The following CDK14 variants were observed in gnomAD, a reference collection of about 807,000 sequenced individuals.
CDK14 encodes the protein cyclin dependent kinase 14.
CDK14 carries 34 observed loss-of-function variants against 60.7 expected under a neutral mutation model. The observed-to-expected ratio is 0.56, with a 90% CI of 0.43 to 0.75. The LOEUF (loss-of-function observed/expected upper bound fraction) is 0.75, where lower values mean the gene tolerates loss of function less well. Among genes scored for constraint, CDK14 ranks in the 30% least tolerant of loss-of-function variants. CDK14 has a pLI of 0.00. For missense variants in CDK14, 482 were observed against 564.1 expected (o/e 0.85, Z 1.47); for synonymous variants, 197 against 203.7 (o/e 0.97, Z 0.28).
chr7:90,662,780 G>T (rs541411118), intron 2 of CDK14, among the ~76,000 whole-genome samples: 1 of 152,150 alleles, frequency 6.6e-6, no homozygotes, highest in Non-Finnish European at 1.5e-5. Flanking sequence ...TTGTAGAAAG[G>T]TTTCATCATC....
chr7:90,817,545 AT>A (rs1310501225), intron 5 of CDK14, among the ~76,000 whole-genome samples: 1 of 152,068 alleles, frequency 6.6e-6, no homozygotes, highest in Non-Finnish European at 1.5e-5. Context: ...GGATTATAAA[AT>A]TTTCTTGATA....
chr7:90,614,006 CT>C (rs34900577), intron 2 of CDK14, among the ~76,000 whole-genome samples: 41,812 of 130,520 alleles, frequency 0.32, 6,497 homozygotes, highest in Middle Eastern at 0.46. Flanking sequence ...GTCCCAAACA[CT>C]TTTTTTTTTT....
At chr7:90,791,169 T>A in intron 5 of CDK14, among the ~76,000 whole-genome samples, 1 of 152,188 alleles carries the variant, frequency 6.6e-6, no homozygotes, top group Admixed American at 6.5e-5. Context: ...TCCTCTAGTC[T>A]GTTATTTTCT....
chr7:90,837,302 T>C (rs1790139632), intron 5 of CDK14, among the ~76,000 whole-genome samples: 1 of 151,492 alleles, frequency 6.6e-6, no homozygotes, highest in Non-Finnish European at 1.5e-5. Flanking sequence ...TTTTTTTTTT[T>C]TTTGAGATGG....
At chr7:91,178,618 A>T (rs974099316) in intron 14 of CDK14, among the ~76,000 whole-genome samples, 3 of 152,224 alleles carry the variant, frequency 2.0e-5, no homozygotes, top group African/African-American at 7.2e-5. Flanking sequence ...TTTACAGGAA[A>T]AAAACAACCC....
chr7:90,912,052 A>T (rs1424257320), intron 7 of CDK14, among the ~76,000 whole-genome samples: 1 of 152,186 alleles, frequency 6.6e-6, no homozygotes, highest in Non-Finnish European at 1.5e-5. Context: ...TTGGATTTTT[A>T]TTACAGAAAA....
intron 7 of CDK14, among the ~76,000 whole-genome samples, chr7:90,915,780 C>T (rs1440355158): frequency 6.6e-6 from 1 of 152,118 alleles, no homozygotes; most frequent in Non-Finnish European, 1.5e-5. Context: ...CACTCAGTTT[C>T]CTCATTACTA....
intron 2 of CDK14, among the ~76,000 whole-genome samples, chr7:90,720,348 C>T (rs1186226487): frequency 2.0e-5 from 3 of 151,990 alleles, no homozygotes; most frequent in East Asian, 1.9e-4. Context: ...AGGCTGAGGG[C>T]GGTAAGAAAG....
At chr7:90,806,728 G>A (rs1788856039) in intron 5 of CDK14, among the ~76,000 whole-genome samples, 1 of 151,762 alleles carries the variant, frequency 6.6e-6, no homozygotes, top group African/African-American at 2.4e-5. Context: ...TCAAAGAAAG[G>A]GGTGACAGAC....
intron 2 of CDK14, chr7:90,726,272 C>CGT (rs1802629322): frequency 1.0e-6 from 1 of 979,946 alleles, no homozygotes; most frequent in African/African-American, 1.8e-5. Flanking sequence ...GATGGTAAAA[C>CGT]GTGTGACAGA....
At chr7:90,803,380 G>A (rs1338518144) in intron 5 of CDK14, among the ~76,000 whole-genome samples, 1 of 152,026 alleles carries the variant, frequency 6.6e-6, no homozygotes, top group African/African-American at 2.4e-5. Flanking sequence ...AAAATTAATG[G>A]GCCTCTAAAA....
intron 2 of CDK14, among the ~76,000 whole-genome samples, chr7:90,638,199 T>G (rs1303231416): frequency 6.6e-6 from 1 of 152,146 alleles, no homozygotes; most frequent in Non-Finnish European, 1.5e-5. Context: ...ATTTTGCTCG[T>G]TAGTTGATGC....
intron 2 of CDK14, among the ~76,000 whole-genome samples, chr7:90,698,668 T>C (rs1801716211): frequency 6.6e-6 from 1 of 152,216 alleles, no homozygotes; most frequent in Non-Finnish European, 1.5e-5. Flanking sequence ...TTTTTGGAAA[T>C]GTATGCCTGC....
intron 14 of CDK14, among the ~76,000 whole-genome samples, chr7:91,134,364 A>C (rs1475251752): frequency 6.6e-6 from 1 of 152,064 alleles, no homozygotes; most frequent in Non-Finnish European, 1.5e-5. Flanking sequence ...TTGTTGACCT[A>C]CCTGCAAGAA....
chr7:90,896,012 T>C (rs975634562), intron 6 of CDK14, among the ~76,000 whole-genome samples: 7 of 152,188 alleles, frequency 4.6e-5, no homozygotes, highest in South Asian at 2.1e-4. Context: ...TTCAAACTTA[T>C]TGTTTTCTAG....
chr7:90,747,770 A>C lies in CDK14; in HGVS notation c.459A>C (p.Lys153Asn). Residue 153 changes from lysine (K) to asparagine (N), a missense_variant, in exon 4 of 15, where the codon AAA becomes AAC. Lys to Asn is a moderately conservative substitution (Grantham distance 94). Coordinates refer to ENST00000380050, the MANE Select transcript of CDK14 (RefSeq NM_001287135.2). ...CTTATGCTACAGTATACAAAGGGAA[A>C]AGCAAGTAAGTTCATTATTTTTGGA... ...EGSYATVYKGKSKVNGKLVAL... is the reference protein window; with the variant it reads ...EGSYATVYKGNSKVNGKLVAL... The C allele has an allele frequency of 6.5e-7, 1 of 1,544,658 alleles. No individual in the cohort carries two copies. Among genetic ancestry groups the C allele is most frequent in the Non-Finnish European group, 8.7e-7 (1 of 1,147,842 alleles).
Position 90,596,618 on chromosome 7 carries a change from C to A in CDK14, c.-10C>A, listed in dbSNP as rs1211099855. On this transcript the variant is annotated 5_prime_UTR_variant, in exon 1 of 15. Transcript: ENST00000380050. ...GTTTGGGGAAGTTGTCGGGGCTCCG[C>A]GTCGCCCAGATGTGTGACCTCATTG... The A allele has an allele frequency of 5.0e-6, 8 of 1,610,752 alleles. No homozygotes were observed. In the South Asian group the frequency reaches 8.8e-5, roughly 18 times the overall value.
At chr7:90,760,043 G>A (rs1804253647) in intron 4 of CDK14, among the ~76,000 whole-genome samples, 1 of 152,192 alleles carries the variant, frequency 6.6e-6, no homozygotes, top group Admixed American at 6.5e-5. Context: ...TGAGATTTAT[G>A]TGATTGAAAG....
chr7:90,933,586 A>G (rs905468960), intron 8 of CDK14, among the ~76,000 whole-genome samples: 1 of 152,256 alleles, frequency 6.6e-6, no homozygotes, highest in Non-Finnish European at 1.5e-5. Context: ...ACTATATTGT[A>G]TGACAAGTAA....
Sources: allele counts gnomAD v4.1 joint callset (sites outside exome capture counted in the v4.1 genomes callset), GRCh38; gene constraint gnomAD v4.1.1; transcripts MANE v1.5; gene names NCBI Gene and HGNC (gene_info 2026-07-23, HGNC 2026-07-21).